VPS13B: variants seen among roughly 807,000 people sequenced by gnomAD.
VPS13B encodes vacuolar protein sorting 13 homolog B, also known as intermembrane lipid transfer protein VPS13B.
Under a neutral mutation model 426.4 loss-of-function variants are expected in VPS13B, and 285 were observed. That is an observed-to-expected ratio of 0.67 (90% CI 0.61 to 0.74). The LOEUF (loss-of-function observed/expected upper bound fraction) is 0.74. Ranked by LOEUF, VPS13B falls within the 30% of genes least tolerant of loss-of-function variation. The pLI, the probability that VPS13B is intolerant of heterozygous loss-of-function variation, is 0.00. For synonymous variants in VPS13B, 1,676 were observed against 1,676.4 expected (o/e 1.00, Z 0.01); for missense variants, 4,537 against 4,782.6 (o/e 0.95, Z 1.51).
chr8:99,234,346 C>T (rs1263227105), intron 17 of VPS13B: 7 of 747,070 alleles, frequency 9.4e-6, no homozygotes, highest in Admixed American at 3.5e-5. Context: ...GTGCATCCAA[C>T]ATCGCCCACT....
chr8:99,522,164 C>T (rs964271558), intron 30 of VPS13B, among the ~76,000 whole-genome samples: 1 of 152,214 alleles, frequency 6.6e-6, no homozygotes, highest in African/African-American at 2.4e-5. Flanking sequence ...TCTTTTGACT[C>T]CCTTAGGATC....
chr8:99,065,743 A>G (rs1171198541), intron 3 of VPS13B, among the ~76,000 whole-genome samples: 1 of 152,222 alleles, frequency 6.6e-6, no homozygotes, highest in Non-Finnish European at 1.5e-5. Context: ...ACATGATTGT[A>G]TATTTAGAAA....
At chr8:99,548,864 A>T (rs1824129776) in intron 30 of VPS13B, among the ~76,000 whole-genome samples, 1 of 152,002 alleles carries the variant, frequency 6.6e-6, no homozygotes, top group Admixed American at 6.6e-5. Flanking sequence ...TTATCTGCCT[A>T]AAAAAACTAT....
rs577611832 is a variant in VPS13B at position 99,428,379 on chromosome 8, A to G, written c.3083-3158A>G. On this transcript the variant is annotated intron_variant, in intron 21 of 61. Coordinates refer to ENST00000357162, the MANE Select transcript of VPS13B (RefSeq NM_152564.5). ...TATAGAATGGAAGAAAATTTTTGCA[A>G]TCTACCCATCTGACAAAGGGCTAAT... Among the ~76,000 whole-genome samples the G allele has an allele frequency of 1.8e-4, 27 of 152,332 alleles. 1 individual carries two copies. The South Asian group carries it at 5.4e-3, about 30-fold the overall frequency.
intron 40 of VPS13B, among the ~76,000 whole-genome samples, chr8:99,769,482 C>T (rs1360472432): frequency 6.6e-6 from 1 of 152,042 alleles, no homozygotes; most frequent in East Asian, 1.9e-4. Flanking sequence ...TAGAGATTGT[C>T]TTATAAAGGA....
intron 17 of VPS13B, among the ~76,000 whole-genome samples, chr8:99,220,169 G>A (rs1815631469): frequency 6.6e-6 from 1 of 152,176 alleles, no homozygotes; most frequent in Non-Finnish European, 1.5e-5. Flanking sequence ...GTGACAAAGA[G>A]ACAGAGTTTT....
chr8:99,585,668 G>A (rs1430397132), intron 33 of VPS13B, among the ~76,000 whole-genome samples: 1 of 151,962 alleles, frequency 6.6e-6, no homozygotes, highest in Non-Finnish European at 1.5e-5. Flanking sequence ...AGGAATAGAA[G>A]GGAGCTTACT....
At chr8:99,738,664 C>A (rs1833940335) in intron 39 of VPS13B, among the ~76,000 whole-genome samples, 1 of 152,192 alleles carries the variant, frequency 6.6e-6, no homozygotes, top group Non-Finnish European at 1.5e-5. Context: ...ATATCTTTAT[C>A]TCTCTAAAGT....
At chr8:99,849,150 A>C (rs1206964070) in intron 55 of VPS13B, among the ~76,000 whole-genome samples, 1 of 152,194 alleles carries the variant, frequency 6.6e-6, no homozygotes, top group African/African-American at 2.4e-5. Context: ...GCATCTTGGA[A>C]TCATACCACT....
At chr8:99,036,289 C>CTAA (rs1842742746) in intron 2 of VPS13B, among the ~76,000 whole-genome samples, 1 of 152,066 alleles carries the variant, frequency 6.6e-6, no homozygotes, top group African/African-American at 2.4e-5. Context: ...TTCTTTGCTA[C>CTAA]TAATATCCTT....
At chr8:99,703,694 T>C (rs1588638980) in intron 36 of VPS13B, among the ~76,000 whole-genome samples, 2 of 152,296 alleles carry the variant, frequency 1.3e-5, no homozygotes, top group Middle Eastern at 6.8e-3. Flanking sequence ...TTGAAATATG[T>C]AGCTTTGGAG....
intron 39 of VPS13B, among the ~76,000 whole-genome samples, chr8:99,764,864 T>C (rs530404742): frequency 2.6e-5 from 4 of 152,310 alleles, no homozygotes; most frequent in African/African-American, 9.6e-5. Flanking sequence ...TACACACACA[T>C]ATGTATATAC....
At chr8:99,268,119 G>A (rs1248519923) in intron 17 of VPS13B, among the ~76,000 whole-genome samples, 1 of 152,190 alleles carries the variant, frequency 6.6e-6, no homozygotes, top group Non-Finnish European at 1.5e-5. Flanking sequence ...TGAGGTTTGG[G>A]AACCTCTGCT....
chr8:99,755,736 T>G (rs1378568461), intron 39 of VPS13B, among the ~76,000 whole-genome samples: 1 of 152,104 alleles, frequency 6.6e-6, no homozygotes, highest in Admixed American at 6.6e-5. Context: ...GCCACTGCCC[T>G]GCAGCCTGGG....
chr8:99,664,449 T>C (rs1830378465), intron 35 of VPS13B, among the ~76,000 whole-genome samples: 1 of 152,100 alleles, frequency 6.6e-6, no homozygotes, highest in Non-Finnish European at 1.5e-5. Context: ...ATATATCTCC[T>C]AATGCTATCC....
chr8:99,468,888 C>G (rs1314923287), intron 24 of VPS13B, among the ~76,000 whole-genome samples: 1 of 152,112 alleles, frequency 6.6e-6, no homozygotes, highest in Non-Finnish European at 1.5e-5. Context: ...TCTCTTTGGA[C>G]TATCAGCTTG....
intron 33 of VPS13B, among the ~76,000 whole-genome samples, chr8:99,584,358 A>C (rs1311484443): frequency 6.6e-6 from 1 of 152,154 alleles, no homozygotes; most frequent in Non-Finnish European, 1.5e-5. Context: ...AAGACAATAA[A>C]ATTTTAAAAT....
intron 3 of VPS13B, among the ~76,000 whole-genome samples, chr8:99,039,493 T>C (rs2132225244): frequency 6.6e-6 from 1 of 152,098 alleles, no homozygotes; most frequent in South Asian, 2.1e-4. Flanking sequence ...TGGAGAATGT[T>C]TCCACTTTCA....
At chr8:99,290,416 A>G (rs945434403) in intron 19 of VPS13B, among the ~76,000 whole-genome samples, 62 of 152,060 alleles carry the variant, frequency 4.1e-4, no homozygotes, top group African/African-American at 1.4e-3. Flanking sequence ...CAAAAAACCA[A>G]ACACTGCATG....
Sources: gnomAD v4.1 joint callset for allele counts (sites outside exome capture counted in the v4.1 genomes callset) on GRCh38, gnomAD v4.1.1 for gene constraint, MANE v1.5 for transcripts, NCBI Gene and HGNC (gene_info 2026-07-23, HGNC 2026-07-21) for gene names.